ARSJ: variants seen among roughly 807,000 people sequenced by gnomAD.
ARSJ encodes arylsulfatase family member J.
In ARSJ, 26 loss-of-function variants were observed where a neutral mutation model predicts 35.9. The ratio of observed to expected loss-of-function variants is 0.72; its 90% CI spans 0.53 to 1.00. ARSJ has a LOEUF of 1.00. ARSJ is among the 50% of genes least tolerant of loss of function. The pLI, the probability that ARSJ is intolerant of heterozygous loss-of-function variation, is 0.00. For missense variants in ARSJ, 667 were observed against 723.6 expected (o/e 0.92, Z 0.90); for synonymous variants, 294 against 267.6 (o/e 1.10, Z -0.96).
Position 113,972,293 on chromosome 4 carries a change from GA to G in ARSJ, c.398+6143del, listed in dbSNP as rs750176630. 4.1e-4 allele frequency among the ~76,000 whole-genome samples: 25 copies of G among 61,644 alleles called. 1 individual carries two copies. Among genetic ancestry groups the G allele is most frequent in the Middle Eastern group, 0.014 (1 of 72 alleles). The allele number at this position is 61,644 out of a possible 152,430, so 40.4% of individuals were successfully genotyped here. ...TCATTACTTTCTAAGAGATGATCTG[GA>G]AAAAAAAAAAAACAAAAAAAAAAAC... is the stretch of plus-strand genomic sequence containing the variant. On this transcript the variant is annotated intron_variant, in intron 1 of 1. Coordinates refer to ENST00000315366, the MANE Select transcript of ARSJ (RefSeq NM_024590.4).
At position 113,912,370 on chromosome 4, in the gene ARSJ, A is replaced by G. The variant is rs373743978; in HGVS notation, c.399-8695T>C. 2.0e-4 allele frequency among the ~76,000 whole-genome samples: 30 copies of G among 152,334 alleles called. 1 individual carries two copies. The East Asian group carries it at 4.6e-3, about 23-fold the overall frequency. On this transcript the variant is annotated intron_variant, in intron 1 of 1. Coordinates refer to ENST00000315366, the MANE Select transcript of ARSJ (RefSeq NM_024590.4). ...ACAGCATCAACTGGATTTGGCAATA[A>G]GCATGTAGACCTTATAAGCTATTCT...
chr4:113,914,040 C>T (rs1238021573), intron 1 of ARSJ, among the ~76,000 whole-genome samples: 1 of 152,066 alleles, frequency 6.6e-6, no homozygotes, highest in Admixed American at 6.6e-5. Flanking sequence ...ATAGTGCGGT[C>T]TCAGCTCACT....
At chr4:113,969,367 T>G in intron 1 of ARSJ, among the ~76,000 whole-genome samples, 1 of 68,978 alleles carries the variant, frequency 1.4e-5, no homozygotes, top group East Asian at 4.2e-4. Flanking sequence ...ATTTTAACCC[T>G]TTTTTTAATC....
intron 1 of ARSJ, among the ~76,000 whole-genome samples, chr4:113,972,871 C>T (rs766075552): frequency 6.6e-6 from 1 of 152,172 alleles, no homozygotes; most frequent in Non-Finnish European, 1.5e-5. Context: ...GAGCCTGGAG[C>T]AGGTATGGGT....
At chr4:113,915,111 T>C (rs1594399618) in intron 1 of ARSJ, among the ~76,000 whole-genome samples, 1 of 152,128 alleles carries the variant, frequency 6.6e-6, no homozygotes, top group Non-Finnish European at 1.5e-5. Context: ...AGGCTGCAGG[T>C]ATCATTAAAA....
intron 1 of ARSJ, among the ~76,000 whole-genome samples, chr4:113,933,130 A>C (rs1724558642): frequency 6.6e-6 from 1 of 151,786 alleles, no homozygotes; most frequent in African/African-American, 2.4e-5. Flanking sequence ...AAATTGGTAG[A>C]TGCGTACAGC....
At chr4:113,934,575 G>A (rs1724655383) in intron 1 of ARSJ, among the ~76,000 whole-genome samples, 1 of 151,700 alleles carries the variant, frequency 6.6e-6, no homozygotes, top group Non-Finnish European at 1.5e-5. Context: ...CCACAAGTAA[G>A]ATCAGTAAGG....
intron 1 of ARSJ, among the ~76,000 whole-genome samples, chr4:113,974,961 C>T (rs1727502650): frequency 6.6e-6 from 1 of 152,094 alleles, no homozygotes; most frequent in Non-Finnish European, 1.5e-5. Flanking sequence ...TTGTAATATG[C>T]TTATGCAAAG....
At chr4:113,919,002 T>C (rs914575727) in intron 1 of ARSJ, among the ~76,000 whole-genome samples, 1 of 152,190 alleles carries the variant, frequency 6.6e-6, no homozygotes, top group South Asian at 2.1e-4. Context: ...ATTGGGCTGA[T>C]CCTGGCATAA....
chr4:113,936,597 A>G (rs1259959775), intron 1 of ARSJ, among the ~76,000 whole-genome samples: 1 of 151,952 alleles, frequency 6.6e-6, no homozygotes, highest in African/African-American at 2.4e-5. Flanking sequence ...TTTGTACTAC[A>G]CTAAAATAAT....
chr4:113,903,094 T>A lies in ARSJ; in HGVS notation c.980A>T (p.Asp327Val). The change falls in exon 2 of 2, where the codon GAT becomes GTT. Residue 327 changes from aspartate (D) to valine (V), a missense_variant. Coordinates refer to ENST00000315366, the MANE Select transcript of ARSJ (RefSeq NM_024590.4). ...YNNSIIIYSSDNGGQPTAGGS... is the reference protein window; with the variant it reads ...YNNSIIIYSSVNGGQPTAGGS... ...TCCTGCCGTAGGCTGGCCACCATTA[T>A]CTGAAGAGTAAATGATAATGCTGTT... The A allele has an allele frequency of 6.2e-7, 1 of 1,614,220 alleles. No individual in the cohort carries two copies. The highest frequency in any genetic ancestry group is 1.1e-5 in the South Asian group (1 of 91,082).
chr4:113,945,311 T>A (rs780159638), intron 1 of ARSJ, among the ~76,000 whole-genome samples: 2 of 151,948 alleles, frequency 1.3e-5, no homozygotes, highest in African/African-American at 2.4e-5. Context: ...ATTGTTTGTA[T>A]TTTTTTGTAG....
At chr4:113,936,036 C>A (rs191341799) in intron 1 of ARSJ, among the ~76,000 whole-genome samples, 36 of 152,082 alleles carry the variant, frequency 2.4e-4, no homozygotes, top group African/African-American at 8.2e-4. Context: ...TTAGCATATT[C>A]TAAAATGATC....
chr4:113,914,801 A>G (rs999418344), intron 1 of ARSJ, among the ~76,000 whole-genome samples: 4 of 152,168 alleles, frequency 2.6e-5, no homozygotes, highest in Admixed American at 2.0e-4. Context: ...ATGAGAAATA[A>G]CTCTGTAAGA....
intron 1 of ARSJ, among the ~76,000 whole-genome samples, chr4:113,931,321 C>A (rs2149264377): frequency 6.6e-6 from 1 of 152,158 alleles, no homozygotes; most frequent in African/African-American, 2.4e-5. Flanking sequence ...AACAACTTTA[C>A]TCTCCTCTTG....
At chr4:113,937,003 C>T (rs1352455232) in intron 1 of ARSJ, among the ~76,000 whole-genome samples, 1 of 151,772 alleles carries the variant, frequency 6.6e-6, no homozygotes. Context: ...AAAAAACACA[C>T]AAAACTATTT....
At chr4:113,918,528 G>A (rs531811282) in intron 1 of ARSJ, among the ~76,000 whole-genome samples, 5 of 152,080 alleles carry the variant, frequency 3.3e-5, no homozygotes, top group South Asian at 2.1e-4. Context: ...GAATACAAAC[G>A]GATCCTGATG....
chr4:113,964,266 C>T (rs1006184404), intron 1 of ARSJ, among the ~76,000 whole-genome samples: 4 of 152,012 alleles, frequency 2.6e-5, no homozygotes, highest in African/African-American at 9.7e-5. Context: ...CTGATTTAAA[C>T]AACACACTGA....
chr4:113,902,306 AACCTGAGACTGC>A lies in ARSJ; in HGVS notation c.1756_1767del (p.Ala586_Gly589del). Reference sequence around the variant, plus strand: ...CAAGTAACACCTGAATGGCAAGTTGAACCTGAGACTGCTTTCTGCTGTTTCTTCTTCTTTTTT... The same window carrying A: ...CAAGTAACACCTGAATGGCAAGTTGATTTCTGCTGTTTCTTCTTCTTTTTT... On this transcript the variant is annotated inframe_deletion, in exon 2 of 2. Coordinates refer to ENST00000315366, the MANE Select transcript of ARSJ (RefSeq NM_024590.4). 6.2e-7 allele frequency: 1 copy of A among 1,612,422 alleles called. No individual in the cohort carries two copies. Among genetic ancestry groups the A allele is most frequent in the East Asian group, 2.2e-5 (1 of 44,892 alleles).
Sources: allele counts gnomAD v4.1 joint callset (sites outside exome capture counted in the v4.1 genomes callset), GRCh38; gene constraint gnomAD v4.1.1; transcripts MANE v1.5; gene names NCBI Gene and HGNC (gene_info 2026-07-23, HGNC 2026-07-21).